BCKDHB: variants seen among roughly 807,000 people sequenced by gnomAD.
The protein encoded by BCKDHB is branched chain keto acid dehydrogenase E1 subunit beta.
Under a neutral mutation model 48.5 loss-of-function variants are expected in BCKDHB, and 41 were observed. The ratio of observed to expected loss-of-function variants is 0.85; its 90% CI spans 0.66 to 1.10. The LOEUF (loss-of-function observed/expected upper bound fraction) is 1.10, where lower values mean the gene tolerates loss of function less well. BCKDHB is among the 50% of genes least tolerant of loss of function. The pLI is 0.00. For synonymous variants in BCKDHB, 201 were observed against 174.8 expected, an observed-to-expected ratio of 1.15 and a Z score of -1.18; for missense variants, 496 against 494.2, an observed-to-expected ratio of 1.00 and a Z score of -0.03.
At chr6:80,394,585 CTGAT>C in the BCKDHB span, among the ~76,000 whole-genome samples, 1 of 152,106 alleles carries the variant, frequency 6.6e-6, no homozygotes, top group Non-Finnish European at 1.5e-5. Context: ...CCACTTAAGA[CTGAT>C]TGGGAACTCT....
intron 8 of BCKDHB, among the ~76,000 whole-genome samples, chr6:80,208,810 G>T (rs918492584): frequency 3.3e-5 from 5 of 151,738 alleles, no homozygotes; most frequent in South Asian, 2.1e-4. Flanking sequence ...AAAACCCCAG[G>T]CCTAAATGGC....
At chr6:80,410,256 A>G in the BCKDHB span, among the ~76,000 whole-genome samples, 9 of 152,154 alleles carry the variant, frequency 5.9e-5, no homozygotes, top group African/African-American at 1.7e-4. Context: ...ATTTTCTTTA[A>G]GAATCTTGAA....
chr6:80,157,309 T>C (rs956269036), intron 3 of BCKDHB, among the ~76,000 whole-genome samples: 5 of 152,158 alleles, frequency 3.3e-5, no homozygotes, highest in Non-Finnish European at 5.9e-5. Context: ...TCTGGCCTGA[T>C]TTTTAGTTTC....
At chr6:80,129,499 G>C (rs1414934084) in intron 3 of BCKDHB, among the ~76,000 whole-genome samples, 1 of 152,040 alleles carries the variant, frequency 6.6e-6, no homozygotes, top group African/African-American at 2.4e-5. Context: ...TCATTCTTCT[G>C]TCCAAGAACC....
At chr6:80,312,596 T>TATGTTC (rs1768225755) in intron 9 of BCKDHB, among the ~76,000 whole-genome samples, 1 of 152,172 alleles carries the variant, frequency 6.6e-6, no homozygotes. Flanking sequence ...TAGCTAGAGG[T>TATGTTC]ATGTTCCTTC....
chr6:80,113,692 T>C (rs1440027377), intron 1 of BCKDHB, among the ~76,000 whole-genome samples: 3 of 152,138 alleles, frequency 2.0e-5, no homozygotes, highest in Non-Finnish European at 4.4e-5. Flanking sequence ...GAACAAAGAA[T>C]TGGACAAAAG....
intron 9 of BCKDHB, among the ~76,000 whole-genome samples, chr6:80,340,041 G>A (rs1546928): frequency 0.78 from 118,035 of 152,078 alleles, 46,179 homozygotes; most frequent in Admixed American, 0.84. Context: ...GATTTGTTAA[G>A]ATGGTTAAAT....
intron 5 of BCKDHB, among the ~76,000 whole-genome samples, chr6:80,169,481 A>G (rs1052696170): frequency 6.6e-6 from 1 of 152,206 alleles, no homozygotes. Flanking sequence ...TAAAAAGACT[A>G]AGAGAAGACT....
the BCKDHB span, among the ~76,000 whole-genome samples, chr6:80,386,595 C>T: frequency 5.3e-5 from 8 of 152,284 alleles, no homozygotes; most frequent in African/African-American, 1.9e-4. Context: ...TAATTGAATC[C>T]TGATGTGGCA....
At chr6:80,303,493 A>C (rs554081524) in intron 9 of BCKDHB, among the ~76,000 whole-genome samples, 4 of 152,218 alleles carry the variant, frequency 2.6e-5, no homozygotes, top group African/African-American at 9.6e-5. Context: ...GAACATGCCC[A>C]CACCAACCTA....
chr6:80,309,388 A>C (rs1211836915), intron 9 of BCKDHB, among the ~76,000 whole-genome samples: 2 of 152,084 alleles, frequency 1.3e-5, no homozygotes, highest in Admixed American at 1.3e-4. Context: ...ATCAACAATA[A>C]ATTTTAATAT....
intron 9 of BCKDHB, among the ~76,000 whole-genome samples, chr6:80,273,857 G>A (rs1358400896): frequency 2.0e-5 from 3 of 151,804 alleles, no homozygotes; most frequent in South Asian, 2.1e-4. Context: ...CCTAAAACCT[G>A]TATTCAAATT....
At chr6:80,210,025 G>T (rs1219545551) in intron 8 of BCKDHB, among the ~76,000 whole-genome samples, 2 of 150,468 alleles carry the variant, frequency 1.3e-5, no homozygotes, top group Non-Finnish European at 3.0e-5. Flanking sequence ...ATAGACTATT[G>T]TTGGTAACAT....
intron 9 of BCKDHB, among the ~76,000 whole-genome samples, chr6:80,304,763 A>T (rs1767768740): frequency 6.6e-6 from 1 of 152,184 alleles, no homozygotes; most frequent in South Asian, 2.1e-4. Context: ...TTGACCTAAC[A>T]TTAGACATTG....
chr6:80,217,420 A>T (rs1436899898), intron 8 of BCKDHB, among the ~76,000 whole-genome samples: 1 of 152,152 alleles, frequency 6.6e-6, no homozygotes, highest in Admixed American at 6.5e-5. Context: ...AGTTTCTTAC[A>T]TAACTATTTC....
chr6:80,306,177 T>G (rs1767867891), intron 9 of BCKDHB, among the ~76,000 whole-genome samples: 1 of 152,232 alleles, frequency 6.6e-6, no homozygotes, highest in South Asian at 2.1e-4. Flanking sequence ...AATGCTTTCA[T>G]CCTTGTGTTA....
At chr6:80,300,815 G>C (rs1047641733) in intron 9 of BCKDHB, among the ~76,000 whole-genome samples, 5 of 152,134 alleles carry the variant, frequency 3.3e-5, no homozygotes, top group Non-Finnish European at 7.4e-5. Context: ...CATATTCTCA[G>C]ACCACAGTGC....
chr6:80,209,936 A>G (rs1330490885), intron 8 of BCKDHB, among the ~76,000 whole-genome samples: 1 of 152,048 alleles, frequency 6.6e-6, no homozygotes, highest in Non-Finnish European at 1.5e-5. Context: ...AGAAAAGACC[A>G]ATATCCAATA....
chr6:80,399,397 C>T, the BCKDHB span, among the ~76,000 whole-genome samples: 327 of 152,140 alleles, frequency 2.1e-3, no homozygotes, highest in African/African-American at 7.5e-3. Context: ...AAAACTTCAG[C>T]AGTTTCAGGA....
Sources: gnomAD v4.1 joint callset for allele counts (sites outside exome capture counted in the v4.1 genomes callset) on GRCh38, gnomAD v4.1.1 for gene constraint, MANE v1.5 for transcripts, NCBI Gene and HGNC (gene_info 2026-07-23, HGNC 2026-07-21) for gene names.